Variants in CD163 observed in about 807,000 individuals in gnomAD.
The protein encoded by CD163 is CD163 molecule.
A neutral mutation model predicts 129.2 loss-of-function variants in CD163; 64 were observed. That is an observed-to-expected ratio of 0.50 (90% CI 0.41 to 0.61). The LOEUF (loss-of-function observed/expected upper bound fraction) is 0.61, where lower values mean the gene tolerates loss of function less well. CD163 is among the 20% of genes least tolerant of loss of function. CD163 has a pLI of 0.00. For missense variants in CD163, 1,061 were observed against 1,377.9 expected (o/e 0.77, Z 3.64); for synonymous variants, 446 against 478.5 (o/e 0.93, Z 0.89).
At chr12:7,502,602 CA>C in intron 1 of CD163, 38 bp from the exon 2 acceptor site, 1 of 1,045,734 alleles carries the variant, frequency 9.6e-7, no homozygotes, top group Non-Finnish European at 1.5e-6. Context: ...AGCATCTTCC[CA>C]AAAAGAGACT....
chr12:7,480,942 G>A (rs1282770022), intron 15 of CD163: 3 of 1,235,192 alleles, frequency 2.4e-6, no homozygotes, highest in Admixed American at 3.6e-5. Context: ...ACCTCTATCA[G>A]GAATAATCAC....
In CD163 at chr12:7,503,768, T is replaced by A; in HGVS notation, c.-78A>T. 1.1e-6 allele frequency: 1 copy of A among 888,702 alleles called. No homozygotes were observed. Among genetic ancestry groups the A allele is most frequent in the Non-Finnish European group, 1.7e-6 (1 of 571,748 alleles). 55.1% of individuals were successfully genotyped at this position (888,702 alleles called of 1,614,324 possible). ...GAAATGTTCTTCTAAAGAAAACAAC[T>A]AAGAATTCTAAAAATCACTTCACTT... is the stretch of plus-strand genomic sequence containing the variant. On this transcript the variant is annotated 5_prime_UTR_variant, in exon 1 of 17. Transcript: ENST00000432237.
intron 14 of CD163, 151 bp downstream of exon 14, chr12:7,482,492 C>T: frequency 2.5e-6 from 2 of 797,780 alleles, no homozygotes; most frequent in Admixed American, 2.4e-5. Context: ...GTGTGAGCCA[C>T]TGTGCCTGGC....
chr12:7,503,283 G>A (rs1949518594), intron 1 of CD163, among the ~76,000 whole-genome samples: 1 of 152,086 alleles, frequency 6.6e-6, no homozygotes, highest in Non-Finnish European at 1.5e-5. Flanking sequence ...TCTTAAAATA[G>A]ATAACTCACT....
Position 7,503,745 on chromosome 12 carries a change from A to C in CD163, c.-55T>G. 1 of 1,109,630 alleles carries C rather than the reference A, an allele frequency of 9.0e-7. No homozygotes were observed. The highest frequency in any genetic ancestry group is 1.3e-6 in the Non-Finnish European group (1 of 752,656). The allele number at this position is 1,109,630 out of a possible 1,614,324, so 68.7% of individuals were successfully genotyped here. A position where few individuals can be genotyped will look rare whatever the true frequency, so the allele number is the denominator to read the frequency against. On this transcript the variant is annotated 5_prime_UTR_variant, in exon 1 of 17. It adds an upstream start codon to the 5' untranslated region. Coordinates refer to ENST00000432237, the MANE Select transcript of CD163 (RefSeq NM_203416.4). ...AAATCTTCTTGTATTATTCCCTAGA[A>C]ATGTTCTTCTAAAGAAAACAACTAA...
At chr12:7,480,096 G>GA (rs1949142398) in intron 15 of CD163, 183 bp from the exon 16 acceptor site, 9 of 1,088,198 alleles carry the variant, frequency 8.3e-6, no homozygotes, top group Non-Finnish European at 1.2e-5. Flanking sequence ...TAACTAGGAA[G>GA]AAAAGCATGT....
Position 7,501,381 on chromosome 12 carries a change from C to G in CD163, c.215G>C (p.Trp72Ser), listed in dbSNP as rs377264728. 3 of 1,613,982 alleles carry G rather than the reference C, an allele frequency of 1.9e-6. No homozygotes were observed. In the African/African-American group the frequency reaches 4.0e-5, roughly 22 times the overall value. ...GRVEVKVQEE[W>S]GTVCNNGWSM... ...CCAGCCATTATTACACACCGTTCCC[C>G]ACTCCTCCTGGACTTTCACTTCCAC... The change falls in exon 3 of 17, where the codon TGG (tryptophan) becomes TCG (serine). Residue 72 changes from tryptophan to serine, a missense_variant. By Grantham distance (177) the Trp-to-Ser change is radical (BLOSUM62 -3). Coordinates refer to ENST00000432237, the MANE Select transcript of CD163 (RefSeq NM_203416.4).
At chr12:7,488,577 G>A (rs1406911967) in intron 6 of CD163, among the ~76,000 whole-genome samples, 1 of 152,054 alleles carries the variant, frequency 6.6e-6, no homozygotes, top group African/African-American at 2.4e-5. Flanking sequence ...TTTGGTATAC[G>A]TGACCCTTCT....
chr12:7,489,167 T>C (rs987209440), intron 6 of CD163, among the ~76,000 whole-genome samples: 4 of 152,126 alleles, frequency 2.6e-5, no homozygotes, highest in Non-Finnish European at 4.4e-5. Flanking sequence ...TTCCAGAGCC[T>C]AGAATGTTGA....
chr12:7,472,821 A>G (rs7974968), intron 16 of CD163, among the ~76,000 whole-genome samples: 75,210 of 151,942 alleles, frequency 0.49, 19,406 homozygotes, highest in Middle Eastern at 0.63. Flanking sequence ...GAGGCTAAGA[A>G]CCTGATTAAA....
chr12:7,483,843 T>TATATATATATATA lies in CD163; in HGVS notation c.2780-169_2780-168insTATATATATATAT, dbSNP rs1259483569. On this transcript the variant is annotated intron_variant, in intron 11 of 16. Transcript: ENST00000432237. ...TATATATGTATATATATATATATAT[T>TATATATATATATA]TTTTTTTTTTTTTTTGAGACAGAGT... The TATATATATATATA allele has an allele frequency of 1.0e-4, 4 of 38,398 alleles. No homozygotes were observed. In the East Asian group the frequency reaches 4.8e-3, roughly 46 times the overall value. 2.4% of individuals were successfully genotyped at this position (38,398 alleles called of 1,614,324 possible).
In CD163 at chr12:7,497,036, A is replaced by C. The variant is rs1949411998; in HGVS notation, c.876T>G (p.Asp292Glu). 6.2e-7 allele frequency: 1 copy of C among 1,613,988 alleles called. No homozygotes were observed. The highest frequency in any genetic ancestry group is 1.3e-5 in the African/African-American group (1 of 74,926). The change falls in exon 5 of 17, where the codon GAT (aspartate) becomes GAG (glutamate). Residue 292 changes from aspartate (D) to glutamate (E), a missense_variant. Transcript: ENST00000432237. Reference protein sequence around the residue: ...RFQGEWGTICDDGWDSYDAAV... With the variant: ...RFQGEWGTICEDGWDSYDAAV... The stretch of plus-strand genomic sequence containing the variant: ...CAGCATCGTAACTGTCCCAGCCGTC[A>C]TCACATATTGTCCCCCATTCTCCTT...
chr12:7,481,244 C>T lies in CD163; in HGVS notation c.3260G>A (p.Gly1087Glu). The T allele has an allele frequency of 6.2e-7, 1 of 1,613,374 alleles. No individual in the cohort carries two copies. The highest frequency in any genetic ancestry group is 8.5e-7 in the Non-Finnish European group (1 of 1,179,448). ...QRQRLAVSSR[G>E]ENLVHQIQYR... ...TTGAATTTGGTGGACTAAGTTCTCT[C>T]CTCTTGAGGAAACTGAAAACAGAGA... The change falls in exon 15 of 17, where the codon GGA (glycine) becomes GAA (glutamate). Residue 1087 changes from glycine to glutamate, a missense_variant. Gly to Glu is a moderately conservative substitution (Grantham distance 98, BLOSUM62 -2). Transcript: ENST00000432237.
At chr12:7,472,102 G>A (rs1162278261) in intron 16 of CD163, among the ~76,000 whole-genome samples, 1 of 152,234 alleles carries the variant, frequency 6.6e-6, no homozygotes, top group Non-Finnish European at 1.5e-5. Flanking sequence ...CAGAGCACCT[G>A]GGGGAATGGG....
Position 7,485,051 on chromosome 12 carries a change from C to G in CD163, c.2779+45G>C. The G allele has an allele frequency of 6.8e-7, 1 of 1,470,078 alleles. No homozygotes were observed. The highest frequency in any genetic ancestry group is 9.2e-7 in the Non-Finnish European group (1 of 1,086,126). The allele number at this position is 1,470,078 out of a possible 1,614,324, so 91.1% of individuals were successfully genotyped here. ...AGTGTCCATTATCAGAAGATGATAG[C>G]GGGGCTGCAGAATGGAATTTTCATA... On this transcript the variant is annotated intron_variant, in intron 11 of 16. Coordinates refer to ENST00000432237, the MANE Select transcript of CD163 (RefSeq NM_203416.4). This position sits in a 1 kb window ranked among gnomAD's most constrained non-coding sequence, Gnocchi z 4.5.
intron 3 of CD163, 83 bp from the exon 4 acceptor site, chr12:7,499,271 G>C (rs2136740698): frequency 8.3e-7 from 1 of 1,210,970 alleles, no homozygotes; most frequent in East Asian, 2.3e-5. Flanking sequence ...TGGACACTTG[G>C]GATTTTATGT....
At chr12:7,475,767 G>C (rs1038583272) in intron 16 of CD163, among the ~76,000 whole-genome samples, 1 of 151,982 alleles carries the variant, frequency 6.6e-6, no homozygotes, top group African/African-American at 2.4e-5. Context: ...AGAAATAAAG[G>C]GTATTCAAAC....
At position 7,487,753 on chromosome 12, in the gene CD163, A is replaced by G. The variant is rs1490390047; in HGVS notation, c.1735+20T>C. 6.2e-7 allele frequency: 1 copy of G among 1,613,968 alleles called. No homozygotes were observed. Among genetic ancestry groups the G allele is most frequent in the Admixed American group, 1.7e-5 (1 of 60,004 alleles). ...CTTTCACAGTATGAGAACCAATTAA[A>G]GATGTTTTCTGGGTCTTACTTGAGC... On this transcript the variant is annotated intron_variant, in intron 7 of 16. Coordinates refer to ENST00000432237, the MANE Select transcript of CD163 (RefSeq NM_203416.4). This position sits in a 1 kb window ranked among gnomAD's most constrained non-coding sequence, Gnocchi z 5.1.
At chr12:7,499,274 T>C (rs1310182186) in intron 3 of CD163, 86 bp from the exon 4 acceptor site, 1 of 1,173,104 alleles carries the variant, frequency 8.5e-7, no homozygotes, top group Non-Finnish European at 1.2e-6. Flanking sequence ...ACACTTGGGA[T>C]TTTATGTTGT....
Sources: allele counts gnomAD v4.1 joint callset (sites outside exome capture counted in the v4.1 genomes callset), GRCh38; gene constraint gnomAD v4.1.1; non-coding constraint Gnocchi (gnomAD v3.1); transcripts MANE v1.5; gene names NCBI Gene and HGNC (gene_info 2026-07-23, HGNC 2026-07-21).